PPP2R2B: variants seen among roughly 807,000 people sequenced by gnomAD.
The protein encoded by PPP2R2B is serine/threonine-protein phosphatase 2A 55 kDa regulatory subunit B beta isoform.
PPP2R2B carries 5 observed loss-of-function variants against 46.0 expected under a neutral mutation model. The ratio of observed to expected loss-of-function variants is 0.11; its 90% CI spans 0.06 to 0.23. PPP2R2B has a LOEUF of 0.23. PPP2R2B is among the 10% of genes least tolerant of loss of function. The pLI is 1.00. For missense variants in PPP2R2B, 367 were observed against 575.0 expected, an observed-to-expected ratio of 0.64 and a Z score of 3.70; for synonymous variants, 215 against 206.7, an observed-to-expected ratio of 1.04 and a Z score of -0.34.
At chr5:146,617,230 A>C (rs1409324310) in intron 7 of PPP2R2B, among the ~76,000 whole-genome samples, 1 of 152,142 alleles carries the variant, frequency 6.6e-6, no homozygotes, top group Non-Finnish European at 1.5e-5. Flanking sequence ...GTTGGGGGGC[A>C]GGGGGAAGTG....
chr5:146,891,456 C>T (rs1389766280), intron 1 of PPP2R2B, among the ~76,000 whole-genome samples: 1 of 152,174 alleles, frequency 6.6e-6, no homozygotes, highest in Non-Finnish European at 1.5e-5. Flanking sequence ...CTTGTGTAGT[C>T]TTCACCCTTG....
At chr5:146,812,743 T>TACAC (rs1554140123) in intron 2 of PPP2R2B, among the ~76,000 whole-genome samples, 8 of 62,600 alleles carry the variant, frequency 1.3e-4, no homozygotes, top group Admixed American at 3.9e-4. Flanking sequence ...TATATATATA[T>TACAC]ATACTGCTAT....
intron 1 of PPP2R2B, among the ~76,000 whole-genome samples, chr5:146,983,825 A>G (rs1753300377): frequency 6.6e-6 from 1 of 151,904 alleles, no homozygotes; most frequent in Non-Finnish European, 1.5e-5. Context: ...CTTCTTTTAT[A>G]ATTTTTTTTC....
chr5:146,998,540 AT>A (rs1334758538), intron 1 of PPP2R2B, among the ~76,000 whole-genome samples: 1 of 152,128 alleles, frequency 6.6e-6, no homozygotes, highest in African/African-American at 2.4e-5. Context: ...TTGCATGCAC[AT>A]TTGCAGCCTT....
At chr5:146,642,732 T>G (rs1561797220) in intron 6 of PPP2R2B, among the ~76,000 whole-genome samples, 1 of 152,318 alleles carries the variant, frequency 6.6e-6, no homozygotes, top group East Asian at 1.9e-4. Flanking sequence ...ATTTCCACAT[T>G]TTCTTTTAAT....
chr5:146,986,140 C>T (rs1260959046), intron 1 of PPP2R2B, among the ~76,000 whole-genome samples: 2 of 152,100 alleles, frequency 1.3e-5, no homozygotes, highest in Non-Finnish European at 2.9e-5. Flanking sequence ...GAAGGACAGT[C>T]CCACATTGCC....
In PPP2R2B at chr5:146,771,425, C is replaced by A. The variant is rs531453512; in HGVS notation, c.71-70283G>T. Among the ~76,000 whole-genome samples, 35 of 152,284 alleles carry A rather than the reference C, an allele frequency of 2.3e-4. 1 individual carries two copies. The South Asian group carries it at 7.3e-3, about 32-fold the overall frequency. ...TCCATCTTGTGCTGTCAGTCATTTT[C>A]AGATCAACTACAAGTGAGCCTGTTG... On this transcript the variant is annotated intron_variant, in intron 2 of 9. Transcript: ENST00000394411.
chr5:146,721,471 AG>A (rs1166397622), intron 2 of PPP2R2B, among the ~76,000 whole-genome samples: 1 of 152,234 alleles, frequency 6.6e-6, no homozygotes, highest in Non-Finnish European at 1.5e-5. Context: ...AGAAGGTGCT[AG>A]AAATAGGTAG....
At chr5:146,820,014 A>C (rs373166993) in intron 2 of PPP2R2B, among the ~76,000 whole-genome samples, 1 of 152,310 alleles carries the variant, frequency 6.6e-6, no homozygotes, top group Non-Finnish European at 1.5e-5. Flanking sequence ...GGAATCTAAA[A>C]ATGTTGATCT....
intron 2 of PPP2R2B, 60 bp from the exon 3 acceptor site, chr5:146,701,202 T>C: frequency 7.5e-7 from 1 of 1,328,542 alleles, no homozygotes; most frequent in Non-Finnish European, 1.1e-6. Context: ...AAAGGATAGA[T>C]AATAGATATA....
At chr5:146,690,352 G>T (rs894944848) in intron 5 of PPP2R2B, among the ~76,000 whole-genome samples, 1 of 152,162 alleles carries the variant, frequency 6.6e-6, no homozygotes, top group Non-Finnish European at 1.5e-5. Context: ...TTTCCTATGA[G>T]AACTTTTCTG....
At chr5:146,736,371 T>C (rs927080338) in intron 2 of PPP2R2B, among the ~76,000 whole-genome samples, 29 of 152,192 alleles carry the variant, frequency 1.9e-4, no homozygotes, top group African/African-American at 6.5e-4. Context: ...CCCTGCCACA[T>C]ATTTTACATG....
chr5:147,054,723 G>A lies in PPP2R2B; in HGVS notation c.79+942C>T, dbSNP rs1756991236. The A allele has an allele frequency of 3.3e-5, 15 of 455,906 alleles. 1 individual carries two copies. The highest frequency in any genetic ancestry group is 2.2e-4 in the South Asian group (14 of 64,536). The allele number at this position is 455,906 out of a possible 1,614,324, so 28.2% of individuals were successfully genotyped here. On this transcript the variant is annotated intron_variant, in intron 1 of 8. Transcript: ENST00000336640. ...TGGTCGCCAGCTCAGTTCCAAGAGAGTGTGGCTAGACATGAGTTGGAGTCA... is the reference window on the plus strand; with the variant it reads ...TGGTCGCCAGCTCAGTTCCAAGAGAATGTGGCTAGACATGAGTTGGAGTCA...
intron 1 of PPP2R2B, chr5:146,922,635 CA>C (rs1763645874): frequency 6.6e-6 from 1 of 152,166 alleles, no homozygotes; most frequent in Non-Finnish European, 1.5e-5. Flanking sequence ...ACCCTCTCAG[CA>C]CATAGCATTC....
At chr5:146,832,561 T>C (rs1374152721) in intron 2 of PPP2R2B, among the ~76,000 whole-genome samples, 1 of 151,678 alleles carries the variant, frequency 6.6e-6, no homozygotes, top group East Asian at 1.9e-4. Flanking sequence ...CCAGCTAGTT[T>C]TTTTGTATTT....
At chr5:146,815,743 G>A (rs185962394) in intron 2 of PPP2R2B, among the ~76,000 whole-genome samples, 413 of 152,260 alleles carry the variant, frequency 2.7e-3, no homozygotes, top group Non-Finnish European at 4.0e-3. Flanking sequence ...CACACTTTAG[G>A]AATCTGAATA....
intron 1 of PPP2R2B, among the ~76,000 whole-genome samples, chr5:146,999,190 A>C (rs1754056156): frequency 2.6e-5 from 4 of 152,168 alleles, no homozygotes. Context: ...AGTGATAAGC[A>C]AAAGAAGATG....
At chr5:147,022,322 G>A (rs1451418894) in intron 1 of PPP2R2B, among the ~76,000 whole-genome samples, 3 of 151,860 alleles carry the variant, frequency 2.0e-5, no homozygotes, top group Admixed American at 2.0e-4. Flanking sequence ...CTTGTGGGAG[G>A]TCGAGGTGGG....
At position 146,589,672 on chromosome 5, in the gene PPP2R2B, C is replaced by T. The variant is rs1770403293; in HGVS notation, c.*275G>A. ...ACTGGACCCACCAGAGAAAACTGGG[C>T]AATAAAAGCATCAGAAGTTCAAGTC... is the stretch of plus-strand genomic sequence containing the variant. On this transcript the variant is annotated 3_prime_UTR_variant, in exon 10 of 10. Coordinates refer to ENST00000394411, the MANE Select transcript of PPP2R2B (RefSeq NM_181675.4). The T allele has an allele frequency of 5.1e-6, 2 of 395,730 alleles. No individual in the cohort carries two copies. Among genetic ancestry groups the T allele is most frequent in the East Asian group, 4.6e-5 (1 of 21,524 alleles). 24.5% of individuals were successfully genotyped at this position (395,730 alleles called of 1,614,324 possible).
Sources: allele counts gnomAD v4.1 joint callset (sites outside exome capture counted in the v4.1 genomes callset), GRCh38; gene constraint gnomAD v4.1.1; transcripts MANE v1.5; gene names NCBI Gene and HGNC (gene_info 2026-07-23, HGNC 2026-07-21).